CNRIP1: variants seen among roughly 807,000 people sequenced by gnomAD.
The protein encoded by CNRIP1 is cannabinoid receptor interacting protein 1, also known as CB1 cannabinoid receptor-interacting protein 1.
A neutral mutation model predicts 15.2 loss-of-function variants in CNRIP1; 10 were observed. The ratio of observed to expected loss-of-function variants is 0.66; its 90% CI spans 0.41 to 1.12. The LOEUF (loss-of-function observed/expected upper bound fraction) is 1.12, where lower values mean the gene tolerates loss of function less well. Among genes scored for constraint, CNRIP1 ranks in the 50% most tolerant of loss-of-function variants. CNRIP1 has a pLI of 0.00. For synonymous variants in CNRIP1, 91 were observed against 83.2 expected, an observed-to-expected ratio of 1.09 and a Z score of -0.51; for missense variants, 211 against 214.7, an observed-to-expected ratio of 0.98 and a Z score of 0.11.
rs1038241420 is a variant in CNRIP1, at chr2:68,293,562, T to A, written c.*300A>T. The A allele has an allele frequency of 2.8e-6, 3 of 1,077,740 alleles. No homozygotes were observed. The allele number at this position is 1,077,740 out of a possible 1,614,324, so 66.8% of individuals were successfully genotyped here. A position where few individuals can be genotyped will look rare whatever the true frequency, so the allele number is the denominator to read the frequency against. ...GGAATGGTCAAGAGCAGGACAAGCC[T>A]GCCAGGGCCACTGAACTCCAGTCAC... On this transcript the variant is annotated 3_prime_UTR_variant, in exon 3 of 3. Coordinates refer to ENST00000263655, the MANE Select transcript of CNRIP1 (RefSeq NM_015463.3).
intron 2 of CNRIP1, among the ~76,000 whole-genome samples, chr2:68,294,396 G>C (rs1269470284): frequency 6.6e-6 from 1 of 152,222 alleles, no homozygotes; most frequent in Non-Finnish European, 1.5e-5. Context: ...GCCAGGTGCA[G>C]TGGTTCACCC....
intron 2 of CNRIP1, chr2:68,316,942 G>A (rs1315854353): frequency 4.6e-6 from 3 of 647,246 alleles, no homozygotes; most frequent in African/African-American, 1.8e-5. Context: ...TGCTTATGGT[G>A]TCTTTTCAGC....
At chr2:68,314,019 C>G (rs1672186260) in intron 2 of CNRIP1, among the ~76,000 whole-genome samples, 1 of 152,098 alleles carries the variant, frequency 6.6e-6, no homozygotes, top group Non-Finnish European at 1.5e-5. Context: ...TTCCTCAACT[C>G]TTATTCATCC....
intron 2 of CNRIP1, chr2:68,315,878 A>G (rs1432465976): frequency 1.3e-5 from 2 of 152,104 alleles, no homozygotes; most frequent in East Asian, 1.9e-4. Context: ...GGGTCCCACT[A>G]TGTTGCCCAG....
At chr2:68,305,267 T>TAG (rs1671781765) in intron 2 of CNRIP1, among the ~76,000 whole-genome samples, 2 of 113,040 alleles carry the variant, frequency 1.8e-5, no homozygotes, top group African/African-American at 3.2e-5. Flanking sequence ...AAAATATATA[T>TAG]ATATATATGT....
At chr2:68,298,238 C>A (rs1671459870) in intron 2 of CNRIP1, among the ~76,000 whole-genome samples, 1 of 151,994 alleles carries the variant, frequency 6.6e-6, no homozygotes, top group Non-Finnish European at 1.5e-5. Context: ...ACTTTAAGTG[C>A]AACTGAATTT....
chr2:68,298,320 C>A (rs1671464936), intron 2 of CNRIP1, among the ~76,000 whole-genome samples: 1 of 152,002 alleles, frequency 6.6e-6, no homozygotes, highest in Admixed American at 6.6e-5. Context: ...GAAATATAAA[C>A]TTTATACTAA....
At chr2:68,302,992 C>A (rs919385419) in intron 2 of CNRIP1, among the ~76,000 whole-genome samples, 2 of 151,642 alleles carry the variant, frequency 1.3e-5, no homozygotes, top group Admixed American at 1.3e-4. Flanking sequence ...GGACTACAGG[C>A]GCCCGCTACC....
chr2:68,294,610 G>A (rs10176792), intron 2 of CNRIP1, among the ~76,000 whole-genome samples: 14,737 of 152,164 alleles, frequency 0.097, 1,246 homozygotes, highest in African/African-American at 0.23. Context: ...AAAACAACCT[G>A]TCTACAATAC....
At chr2:68,305,259 A>AAAATATATATAT (rs1267101468) in intron 2 of CNRIP1, among the ~76,000 whole-genome samples, 2 of 100,366 alleles carry the variant, frequency 2.0e-5, no homozygotes, top group African/African-American at 7.3e-5. Flanking sequence ...AAAAAAAAAA[A>AAAATATATATAT]ATATATATAT....
chr2:68,288,272 A>G (rs1671082139), downstream of CNRIP1, among the ~76,000 whole-genome samples: 1 of 152,120 alleles, frequency 6.6e-6, no homozygotes. Flanking sequence ...ATTTTTCTTG[A>G]CTCAACGTTT....
intron 2 of CNRIP1, among the ~76,000 whole-genome samples, chr2:68,306,800 A>C (rs1671870286): frequency 1.8e-5 from 1 of 56,242 alleles, no homozygotes; most frequent in East Asian, 2.7e-4. Flanking sequence ...AAAAAATTAC[A>C]AACTTACCCT....
At chr2:68,315,600 C>CAT (rs10539158) in intron 2 of CNRIP1, among the ~76,000 whole-genome samples, 5 of 151,544 alleles carry the variant, frequency 3.3e-5, no homozygotes, top group Non-Finnish European at 7.4e-5. Context: ...AATGACATTC[C>CAT]ATATATATAT....
At chr2:68,302,254 C>T (rs2103645002) in intron 2 of CNRIP1, among the ~76,000 whole-genome samples, 1 of 152,298 alleles carries the variant, frequency 6.6e-6, no homozygotes, top group South Asian at 2.1e-4. Flanking sequence ...CTAGACCAGA[C>T]AGCTGTCACG....
intron 1 of CNRIP1, among the ~76,000 whole-genome samples, chr2:68,317,932 C>A (rs922984265): frequency 6.6e-6 from 1 of 151,188 alleles, no homozygotes; most frequent in African/African-American, 2.4e-5. Flanking sequence ...TCCTTGATAG[C>A]ATTAAAATGT....
chr2:68,293,958 G>C lies in CNRIP1; in HGVS notation c.399C>G (p.His133Gln). ...CAGAGAAGGGGCTTCCCCACTGGCA[G>C]TGATCCCGCTTGTGGTAATTGTAGA... ...VKFYNYHKRD[H>Q]CQWGSPFSVI... The change falls in exon 3 of 3, where the codon CAC becomes CAG. Residue 133 changes from histidine to glutamine, a missense_variant. His to Gln is a conservative substitution (Grantham distance 24). Coordinates refer to ENST00000263655, the MANE Select transcript of CNRIP1 (RefSeq NM_015463.3). The C allele has an allele frequency of 6.2e-7, 1 of 1,614,150 alleles. No homozygotes were observed.
intron 2 of CNRIP1, among the ~76,000 whole-genome samples, chr2:68,287,473 A>T (rs1310149528): frequency 6.6e-6 from 1 of 152,238 alleles, no homozygotes; most frequent in Non-Finnish European, 1.5e-5. Context: ...CAACTTTTCT[A>T]TACATTTCAA....
At chr2:68,304,142 A>G (rs1023650071) in intron 2 of CNRIP1, among the ~76,000 whole-genome samples, 4 of 151,800 alleles carry the variant, frequency 2.6e-5, no homozygotes, top group South Asian at 2.1e-4. Context: ...TAATCCCAGC[A>G]CTTTGGGATG....
chr2:68,291,812 G>T (rs1671179280), downstream of CNRIP1, among the ~76,000 whole-genome samples: 1 of 150,572 alleles, frequency 6.6e-6, no homozygotes, highest in African/African-American at 2.4e-5. Flanking sequence ...CTGGGAGGTG[G>T]AGGTTGCAGT....
Sources: allele counts gnomAD v4.1 joint callset (sites outside exome capture counted in the v4.1 genomes callset), GRCh38; gene constraint gnomAD v4.1.1; transcripts MANE v1.5; gene names NCBI Gene and HGNC (gene_info 2026-07-23, HGNC 2026-07-21).